The following TNFRSF13B variants were observed in gnomAD, a reference collection of about 807,000 sequenced individuals.
TNFRSF13B encodes TNF receptor superfamily member 13B, also known as tumor necrosis factor receptor superfamily member 13B.
A neutral mutation model predicts 24.0 loss-of-function variants in TNFRSF13B; 34 were observed. The observed-to-expected ratio is 1.41, with a 90% CI of 1.08 to 1.88. The LOEUF (loss-of-function observed/expected upper bound fraction) is 1.88. Among genes scored for constraint, TNFRSF13B ranks in the 40% most tolerant of loss-of-function variants. TNFRSF13B has a pLI of 0.00. For missense variants in TNFRSF13B, 415 were observed against 380.8 expected (o/e 1.09, Z -0.75); for synonymous variants, 173 against 150.3 (o/e 1.15, Z -1.10).
rs759191629 is a variant in TNFRSF13B, at chr17:16,940,531, C to G, written c.446-20G>C. The G allele has an allele frequency of 6.2e-7, 1 of 1,610,926 alleles. No individual in the cohort carries two copies. The highest frequency in any genetic ancestry group is 1.1e-5 in the South Asian group (1 of 90,850). The stretch of plus-strand genomic sequence containing the variant: ...GGAGAGCTGCAAGACAGCATGAGAC[C>G]CCTCTCTGCAGTGCCTTCTTCTCTT... On this transcript the variant is annotated intron_variant, in intron 3 of 4. Coordinates refer to ENST00000261652, the MANE Select transcript of TNFRSF13B (RefSeq NM_012452.3).
Position 16,939,081 on chromosome 17 carries a change from C to G in TNFRSF13B, c.*466G>C, listed in dbSNP as rs1476470305. The G allele has an allele frequency of 1.3e-5, 2 of 156,438 alleles. No individual in the cohort carries two copies. Among genetic ancestry groups the G allele is most frequent in the East Asian group, 1.9e-4 (1 of 5,280 alleles). The allele number at this position is 156,438 out of a possible 1,614,324, so 9.7% of individuals were successfully genotyped here. Reference sequence around the variant, plus strand: ...GTTCATCAAAGACCCAACCACAATGCAGTGAGGAAGGGCAGCTGCCAAAGG... The same window carrying G: ...GTTCATCAAAGACCCAACCACAATGGAGTGAGGAAGGGCAGCTGCCAAAGG... On this transcript the variant is annotated 3_prime_UTR_variant, in exon 5 of 5. Coordinates refer to ENST00000261652, the MANE Select transcript of TNFRSF13B (RefSeq NM_012452.3).
chr17:16,957,220 A>G (rs1341841802), intron 1 of TNFRSF13B, among the ~76,000 whole-genome samples: 1 of 151,304 alleles, frequency 6.6e-6, no homozygotes, highest in Non-Finnish European at 1.5e-5. Flanking sequence ...TCTGGAATGA[A>G]AAAGTTCAAA....
Position 16,967,271 on chromosome 17 carries a change from G to A in TNFRSF13B, c.61+4744C>T, listed in dbSNP as rs915005563. On this transcript the variant is annotated intron_variant, in intron 1 of 4. Coordinates refer to ENST00000261652, the MANE Select transcript of TNFRSF13B (RefSeq NM_012452.3). ...AGCTATCAACAAAAGTAATGAGGAAGCTCTCTGTATGTTGCTGTGGAAAGA... is the reference window on the plus strand; with the variant it reads ...AGCTATCAACAAAAGTAATGAGGAAACTCTCTGTATGTTGCTGTGGAAAGA... Among the ~76,000 whole-genome samples, 11 of 152,254 alleles carry A rather than the reference G, an allele frequency of 7.2e-5. 1 individual carries two copies. In the South Asian group the frequency reaches 2.3e-3, roughly 32 times the overall value.
rs2143642404 is a variant in TNFRSF13B at position 16,940,481 on chromosome 17, T to A, written c.476A>T (p.Gln159Leu). The change falls in exon 4 of 5, where the codon CAG (glutamine) becomes CTG (leucine). Residue 159 changes from glutamine to leucine, a missense_variant. Gln to Leu is a moderately radical substitution (Grantham distance 113, BLOSUM62 -2). Coordinates refer to ENST00000261652, the MANE Select transcript of TNFRSF13B (RefSeq NM_012452.3). Reference sequence around the variant, plus strand: ...CAGCGTGCTGTAGACCAGGGCCACCTGATCTGCACTCAGCTTCAGCCCCGG... The same window carrying A: ...CAGCGTGCTGTAGACCAGGGCCACCAGATCTGCACTCAGCTTCAGCCCCGG... ...ALPGLKLSAD[Q>L]VALVYSTLGL... 6.2e-7 allele frequency: 1 copy of A among 1,613,642 alleles called. No individual in the cohort carries two copies. Among genetic ancestry groups the A allele is most frequent in the Non-Finnish European group, 8.5e-7 (1 of 1,179,980 alleles).
At chr17:16,939,900 G>T in intron 4 of TNFRSF13B, 103 bp from the exon 5 acceptor site, 2 of 1,414,404 alleles carry the variant, frequency 1.4e-6, no homozygotes, top group South Asian at 1.5e-5. Flanking sequence ...GGAGCTAAGG[G>T]CAATCACCAG....
intron 3 of TNFRSF13B, among the ~76,000 whole-genome samples, chr17:16,946,496 C>T (rs2087548618): frequency 6.6e-6 from 1 of 152,166 alleles, no homozygotes; most frequent in Non-Finnish European, 1.5e-5. Flanking sequence ...CAGGACCCTT[C>T]TTGCCATGTC....
At position 16,953,311 on chromosome 17, in the gene TNFRSF13B, T is replaced by C. The variant is rs905432320; in HGVS notation, c.62-728A>G. Among the ~76,000 whole-genome samples, 3 of 152,360 alleles carry C rather than the reference T, an allele frequency of 2.0e-5. No homozygotes were observed. The East Asian group carries it at 5.8e-4, about 29-fold the overall frequency. On this transcript the variant is annotated intron_variant, in intron 1 of 4. Transcript: ENST00000261652. ...ACACAGCAAGAACCAAGAATGTCAA[T>C]TTCCTTCTTGTTTTCTTTTTTACTA... is the stretch of plus-strand genomic sequence containing the variant.
chr17:16,955,132 G>A (rs188682296), intron 1 of TNFRSF13B, among the ~76,000 whole-genome samples: 255 of 152,312 alleles, frequency 1.7e-3, no homozygotes, highest in African/African-American at 5.8e-3. Flanking sequence ...AAGCTTCTAC[G>A]TCAGTGAGCC....
At position 16,961,599 on chromosome 17, in the gene TNFRSF13B, T is replaced by C. The variant is rs1423931042; in HGVS notation, c.62-9016A>G. Among the ~76,000 whole-genome samples, 5 of 152,324 alleles carry C rather than the reference T, an allele frequency of 3.3e-5. No homozygotes were observed. In the East Asian group the frequency reaches 9.6e-4, roughly 29 times the overall value. ...AGCACAGGCAGCCGTTATTGATTAA[T>C]GGGGTACAGAATTTCTTTCTGGGGC... is the stretch of plus-strand genomic sequence containing the variant. On this transcript the variant is annotated intron_variant, in intron 1 of 4. Transcript: ENST00000261652.
At chr17:16,971,921 T>G in intron 1 of TNFRSF13B, 94 bp downstream of exon 1, 1 of 1,296,950 alleles carries the variant, frequency 7.7e-7, no homozygotes, top group Non-Finnish European at 1.1e-6. Context: ...CTGTGGGCTT[T>G]GCACCTGCTG....
intron 1 of TNFRSF13B, among the ~76,000 whole-genome samples, chr17:16,963,499 C>A (rs1302774807): frequency 6.6e-6 from 1 of 152,128 alleles, no homozygotes; most frequent in Non-Finnish European, 1.5e-5. Context: ...ACAGTAAAAG[C>A]TTGGCAGATA....
At chr17:16,946,321 G>A (rs1308848109) in intron 3 of TNFRSF13B, among the ~76,000 whole-genome samples, 2 of 152,226 alleles carry the variant, frequency 1.3e-5, no homozygotes, top group African/African-American at 2.4e-5. Flanking sequence ...AGGACAGGCC[G>A]AGAGCAGGGC....
At chr17:16,960,441 A>G (rs1215557444) in intron 1 of TNFRSF13B, among the ~76,000 whole-genome samples, 1 of 152,212 alleles carries the variant, frequency 6.6e-6, no homozygotes, top group Non-Finnish European at 1.5e-5. Context: ...AAAGGAGAGC[A>G]TAAGATTATC....
chr17:16,948,644 G>A (rs1331525636), intron 3 of TNFRSF13B, 94 bp downstream of exon 3: 1 of 1,566,528 alleles, frequency 6.4e-7, no homozygotes, highest in East Asian at 2.2e-5. Context: ...TGGGCTTCAT[G>A]CATTGTGGAC....
chr17:16,967,700 GGGGAT>G, intron 1 of TNFRSF13B, among the ~76,000 whole-genome samples: 1 of 137,650 alleles, frequency 7.3e-6, no homozygotes, highest in Admixed American at 7.0e-5. Context: ...TGCAGTGAGT[GGGGAT>G]CACGCCACTG....
chr17:16,957,786 G>T (rs2143671440), intron 1 of TNFRSF13B, among the ~76,000 whole-genome samples: 1 of 152,080 alleles, frequency 6.6e-6, no homozygotes, highest in African/African-American at 2.4e-5. Flanking sequence ...GAGAAATTAT[G>T]ACTTTTCCAG....
rs111574094 is a variant in TNFRSF13B at position 16,962,682 on chromosome 17, T to C, written c.61+9333A>G. Among the ~76,000 whole-genome samples the C allele has an allele frequency of 3.9e-3, 588 of 152,298 alleles. 3 individuals carry two copies. The highest frequency in any genetic ancestry group is 0.013 in the African/African-American group (546 of 41,566). On this transcript the variant is annotated intron_variant, in intron 1 of 4. Coordinates refer to ENST00000261652, the MANE Select transcript of TNFRSF13B (RefSeq NM_012452.3). ...TCCTTCTGTAAAAGAGTTTACTCAC[T>C]GTGAGAGCCATTAGACCATTGTCAG...
intron 3 of TNFRSF13B, among the ~76,000 whole-genome samples, chr17:16,943,265 G>A (rs2087524315): frequency 6.6e-6 from 1 of 152,206 alleles, no homozygotes; most frequent in South Asian, 2.1e-4. Flanking sequence ...AAGAAGAGAA[G>A]GGAAGAGACA....
chr17:16,966,198 G>A (rs796508606), intron 1 of TNFRSF13B, among the ~76,000 whole-genome samples: 35 of 151,362 alleles, frequency 2.3e-4, no homozygotes, highest in African/African-American at 8.3e-4. Flanking sequence ...AAGTTGCAGT[G>A]AGCCGAGATT....
Sources: gnomAD v4.1 joint callset for allele counts (sites outside exome capture counted in the v4.1 genomes callset) on GRCh38, gnomAD v4.1.1 for gene constraint, MANE v1.5 for transcripts, NCBI Gene and HGNC (gene_info 2026-07-23, HGNC 2026-07-21) for gene names.